The following FAR1 variants were observed in gnomAD, a reference collection of about 807,000 sequenced individuals.
FAR1 encodes the protein male sterility domain-containing protein 2.
FAR1 carries 22 observed loss-of-function variants against 61.1 expected under a neutral mutation model. The observed-to-expected ratio is 0.36, with a 90% CI of 0.26 to 0.51. FAR1 has a LOEUF of 0.51. FAR1 is among the 20% of genes least tolerant of loss of function. The pLI, the probability that FAR1 is intolerant of heterozygous loss-of-function variation, is 0.95. For missense variants in FAR1, 359 were observed against 626.9 expected, an observed-to-expected ratio of 0.57 and a Z score of 4.56; for synonymous variants, 206 against 209.7, an observed-to-expected ratio of 0.98 and a Z score of 0.15.
chr11:13,691,828 T>G lies in FAR1; in HGVS notation c.-7-2931T>G, dbSNP rs114179946. On this transcript the variant is annotated intron_variant, in intron 1 of 11. Transcript: ENST00000354817. ...TATCGTGAGCAGTGCTGCTATAGAT[T>G]GAGTATCCCTAATCCAAAAAATCTG... 1.3e-3 allele frequency among the ~76,000 whole-genome samples: 205 copies of G among 152,266 alleles called. 1 individual carries two copies. The highest frequency in any genetic ancestry group is 4.6e-3 in the African/African-American group (193 of 41,546).
intron 1 of FAR1, among the ~76,000 whole-genome samples, chr11:13,674,646 C>A (rs1451269650): frequency 6.6e-6 from 1 of 152,070 alleles, no homozygotes; most frequent in Non-Finnish European, 1.5e-5. Context: ...TTTTTGGTAT[C>A]CTACATTTAC....
intron 11 of FAR1, among the ~76,000 whole-genome samples, 165 bp downstream of exon 11, chr11:13,727,848 CACTTTTTAAG>C (rs1206811617): frequency 3.3e-5 from 5 of 151,828 alleles, no homozygotes; most frequent in African/African-American, 1.2e-4. Context: ...ATTTTTATGA[CACTTTTTAAG>C]ACTTTCACAT....
At chr11:13,716,601 C>G (rs927556677) in intron 9 of FAR1, among the ~76,000 whole-genome samples, 1 of 152,160 alleles carries the variant, frequency 6.6e-6, no homozygotes, top group African/African-American at 2.4e-5. Flanking sequence ...AATTAGACTT[C>G]TTATATAGCA....
intron 1 of FAR1, among the ~76,000 whole-genome samples, chr11:13,693,445 T>G (rs1354928955): frequency 6.6e-6 from 1 of 152,236 alleles, no homozygotes; most frequent in Non-Finnish European, 1.5e-5. Context: ...TCAGGCTCAA[T>G]TCCAGTTCTC....
chr11:13,718,139 T>G (rs1176017342), intron 9 of FAR1, among the ~76,000 whole-genome samples: 1 of 152,198 alleles, frequency 6.6e-6, no homozygotes. Flanking sequence ...ACACATTTCT[T>G]TAAGATCTGG....
chr11:13,712,850 A>G (rs1848515139), intron 7 of FAR1, 116 bp from the exon 8 acceptor site: 1 of 632,574 alleles, frequency 1.6e-6, no homozygotes, highest in South Asian at 3.4e-5. Flanking sequence ...ATTAAAAAAA[A>G]ATAGTATAGA....
At chr11:13,708,484 T>C (rs941371303) in intron 4 of FAR1, among the ~76,000 whole-genome samples, 1 of 127,704 alleles carries the variant, frequency 7.8e-6, no homozygotes, top group Non-Finnish European at 1.8e-5. Context: ...CACATACATT[T>C]ATCTCTTTTC....
intron 10 of FAR1, among the ~76,000 whole-genome samples, chr11:13,726,276 C>T (rs1848666203): frequency 6.6e-6 from 1 of 151,982 alleles, no homozygotes; most frequent in Non-Finnish European, 1.5e-5. Flanking sequence ...CCTTTTATTG[C>T]TCTTTATTTC....
chr11:13,706,336 A>G (rs766922158), intron 3 of FAR1, among the ~76,000 whole-genome samples: 3 of 152,122 alleles, frequency 2.0e-5, no homozygotes, highest in Non-Finnish European at 4.4e-5. Context: ...GTTAATTTCA[A>G]CAGGTTAACT....
At chr11:13,728,523 G>T in intron 11 of FAR1, 89 bp from the exon 12 acceptor site, 2 of 1,172,060 alleles carry the variant, frequency 1.7e-6, no homozygotes, top group Non-Finnish European at 2.5e-6. Context: ...TTTGAGCTTT[G>T]ATTAAAAACT....
chr11:13,721,565 GCA>G lies in FAR1; in HGVS notation c.1128-164_1128-163del. 5.5e-6 allele frequency: 3 copies of G among 543,776 alleles called. No individual in the cohort carries two copies. The highest frequency in any genetic ancestry group is 9.2e-6 in the Non-Finnish European group (3 of 324,900). 33.7% of individuals were successfully genotyped at this position (543,776 alleles called of 1,614,324 possible). A position where few individuals can be genotyped will look rare whatever the true frequency, so the allele number is the denominator to read the frequency against. ...GATTTATAAATTGTTCATCCAAGATGCAGAAATAGTCTTATTCCCTGCTGATT... is the reference window on the plus strand; with the variant it reads ...GATTTATAAATTGTTCATCCAAGATGGAAATAGTCTTATTCCCTGCTGATT... On this transcript the variant is annotated intron_variant, in intron 9 of 11. Transcript: ENST00000354817. The surrounding 1 kb of genome is among the most constrained non-coding windows in gnomAD (Gnocchi z 4.2).
intron 2 of FAR1, among the ~76,000 whole-genome samples, chr11:13,695,311 G>C (rs917415939): frequency 6.6e-6 from 1 of 152,088 alleles, no homozygotes; most frequent in Admixed American, 6.5e-5. Flanking sequence ...CTACTATTCT[G>C]TAAGACACTA....
rs191658723 is a variant in FAR1, at chr11:13,716,485, T to C, written c.1127+1805T>C. The stretch of plus-strand genomic sequence containing the variant: ...TTTGTGATCAGATGAAAGAGGCCGG[T>C]GGGCAGAGAGGCAATGGAACAGCAA... On this transcript the variant is annotated intron_variant, in intron 9 of 11. Coordinates refer to ENST00000354817, the MANE Select transcript of FAR1 (RefSeq NM_032228.6). Among the ~76,000 whole-genome samples, 4 of 152,296 alleles carry C rather than the reference T, an allele frequency of 2.6e-5. No individual in the cohort carries two copies. The East Asian group carries it at 7.7e-4, about 29-fold the overall frequency.
Position 13,730,803 on chromosome 11 carries a change from C to CA in FAR1, c.*2030dup, listed in dbSNP as rs1243632372. 2 of 152,146 alleles carry CA rather than the reference C, an allele frequency of 1.3e-5. No homozygotes were observed. Among genetic ancestry groups the CA allele is most frequent in the East Asian group, 3.9e-4 (2 of 5,188 alleles). 9.4% of individuals were successfully genotyped at this position (152,146 alleles called of 1,614,324 possible). A position where few individuals can be genotyped will look rare whatever the true frequency, so the allele number is the denominator to read the frequency against. ...TAACTGGGAGGGTGCTGAGGCCACT[C>CA]ACTGCATTAATTTTGTGTGTTTAGA... On this transcript the variant is annotated 3_prime_UTR_variant, in exon 12 of 12. Transcript: ENST00000354817.
At chr11:13,683,322 G>C (rs2134298) in intron 1 of FAR1, among the ~76,000 whole-genome samples, 1 of 150,920 alleles carries the variant, frequency 6.6e-6, no homozygotes, top group Non-Finnish European at 1.5e-5. Context: ...GAACCTGGGA[G>C]GTGGAGGTTG....
At chr11:13,670,057 A>G (rs1349651705) in intron 1 of FAR1, 1 of 152,050 alleles carries the variant, frequency 6.6e-6, no homozygotes, top group Non-Finnish European at 1.5e-5. Flanking sequence ...ATCCTGATGT[A>G]TTTTTTTCAA....
At chr11:13,712,687 G>A (rs961320022) in intron 7 of FAR1, among the ~76,000 whole-genome samples, 3 of 151,704 alleles carry the variant, frequency 2.0e-5, no homozygotes, top group Non-Finnish European at 2.9e-5. Context: ...TGTTTTCCTC[G>A]TGTTTAAAAA....
At chr11:13,705,181 G>A (rs1848419182) in intron 3 of FAR1, among the ~76,000 whole-genome samples, 1 of 151,908 alleles carries the variant, frequency 6.6e-6, no homozygotes, top group Non-Finnish European at 1.5e-5. Flanking sequence ...CTGTCTTACC[G>A]AAGATACATT....
intron 1 of FAR1, among the ~76,000 whole-genome samples, chr11:13,673,914 T>C (rs1293951560): frequency 6.6e-6 from 1 of 152,232 alleles, no homozygotes; most frequent in Non-Finnish European, 1.5e-5. Context: ...ATTATTTTTT[T>C]AAATATGATT....
Sources: gnomAD v4.1 joint callset for allele counts (sites outside exome capture counted in the v4.1 genomes callset) on GRCh38, gnomAD v4.1.1 for gene constraint, Gnocchi (gnomAD v3.1) non-coding constraint, MANE v1.5 for transcripts, NCBI Gene and HGNC (gene_info 2026-07-23, HGNC 2026-07-21) for gene names.